The following TYRO3 variants were observed in gnomAD, a reference collection of about 807,000 sequenced individuals.
TYRO3 encodes the protein TYRO3 protein tyrosine kinase, also known as tyrosine-protein kinase receptor TYRO3.
TYRO3 carries 38 observed loss-of-function variants against 95.2 expected under a neutral mutation model. That is an observed-to-expected ratio of 0.40 (90% CI 0.31 to 0.52). TYRO3 has a LOEUF of 0.52. Among genes scored for constraint, TYRO3 ranks in the 20% least tolerant of loss-of-function variants. The pLI, the probability that TYRO3 is intolerant of heterozygous loss-of-function variation, is 0.56. For missense variants in TYRO3, 812 were observed against 1,116.4 expected, an observed-to-expected ratio of 0.73 and a Z score of 3.89; for synonymous variants, 367 against 432.9, an observed-to-expected ratio of 0.85 and a Z score of 1.89.
chr15:41,570,414 T>C, intron 11 of TYRO3, 74 bp downstream of exon 11: 1 of 1,393,324 alleles, frequency 7.2e-7, no homozygotes, highest in Non-Finnish European at 9.9e-7. Context: ...ACCAAATTAT[T>C]AATTTGACTG....
At chr15:41,566,320 TAAAAAAAAAAAA>T (rs57924730) in intron 6 of TYRO3, among the ~76,000 whole-genome samples, 17 of 40,960 alleles carry the variant, frequency 4.2e-4, no homozygotes, top group East Asian at 2.0e-3. Flanking sequence ...CTGTCTCTAT[TAAAAAAAAAAAA>T]AAAAAAAAAA....
intron 3 of TYRO3, 82 bp downstream of exon 3, chr15:41,561,721 CAGT>C: frequency 9.1e-7 from 1 of 1,096,676 alleles, no homozygotes; most frequent in Non-Finnish European, 1.3e-6. Context: ...GCGGAGAACT[CAGT>C]AGAAGCTGGG....
chr15:41,565,641 C>G (rs1252088641), intron 6 of TYRO3, among the ~76,000 whole-genome samples: 1 of 150,992 alleles, frequency 6.6e-6, no homozygotes, highest in Non-Finnish European at 1.5e-5. Context: ...ATTAGCCAGC[C>G]TGATCTCAAA....
At position 41,579,798 on chromosome 15, in the gene TYRO3, C is replaced by T. The variant is rs2055903870; in HGVS notation, c.*1522C>T. On this transcript the variant is annotated 3_prime_UTR_variant, in exon 19 of 19. Transcript: ENST00000263798. ...TTTGAGACCGAGTCTCACTCTGTCG[C>T]CCAGGCTGGAGTGCAATTGCGCGAT... The T allele has an allele frequency of 6.7e-6, 1 of 150,326 alleles. No individual in the cohort carries two copies. The highest frequency in any genetic ancestry group is 6.6e-5 in the Admixed American group (1 of 15,090). 9.3% of individuals were successfully genotyped at this position (150,326 alleles called of 1,614,324 possible).
chr15:41,561,596 G>T lies in TYRO3; in HGVS notation c.366G>T (p.Gly122=). 6.3e-7 allele frequency: 1 copy of T among 1,594,338 alleles called. No individual in the cohort carries two copies. Among genetic ancestry groups the T allele is most frequent in the Non-Finnish European group, 8.5e-7 (1 of 1,172,118 alleles). Residue 122 remains glycine (G), a synonymous_variant, in exon 3 of 19, where the codon GGG becomes GGT. Coordinates refer to ENST00000263798, the MANE Select transcript of TYRO3 (RefSeq NM_006293.4). ...GGTACTGGTGCCAGGTGGAGGATGG[G>T]GGTGAAACCGAGATCTCCCAGCCAG... The part of the protein sequence containing the change: ...AGRYWCQVED[G]GETEISQPVW...
chr15:41,579,106 A>C lies in TYRO3; in HGVS notation c.*830A>C, dbSNP rs143095158. 1 of 152,484 alleles carries C rather than the reference A, an allele frequency of 6.6e-6. No homozygotes were observed. Among genetic ancestry groups the C allele is most frequent in the East Asian group, 1.9e-4 (1 of 5,174 alleles). 9.4% of individuals were successfully genotyped at this position (152,484 alleles called of 1,614,324 possible). ...ACAAAGGCAGCTGTGTCTGAGCCCAACCCTTCTAAACGGTGACCTTTAGTG... is the reference window on the plus strand; with the variant it reads ...ACAAAGGCAGCTGTGTCTGAGCCCACCCCTTCTAAACGGTGACCTTTAGTG... On this transcript the variant is annotated 3_prime_UTR_variant, in exon 19 of 19. Transcript: ENST00000263798.
rs970612585 is a variant in TYRO3, at chr15:41,580,124, T to C, written c.*1848T>C. ...CTTTGTGCTTTCCAAGTTTTCTGCATTGAGCACAAAATGCTTTTGTAATTA... is the reference window on the plus strand; with the variant it reads ...CTTTGTGCTTTCCAAGTTTTCTGCACTGAGCACAAAATGCTTTTGTAATTA... On this transcript the variant is annotated 3_prime_UTR_variant, in exon 19 of 19. Transcript: ENST00000263798. 2 of 152,172 alleles carry C rather than the reference T, an allele frequency of 1.3e-5. No individual in the cohort carries two copies. Among genetic ancestry groups the C allele is most frequent in the African/African-American group, 4.8e-5 (2 of 41,456 alleles). 9.4% of individuals were successfully genotyped at this position (152,172 alleles called of 1,614,324 possible).
Position 41,571,112 on chromosome 15 carries a change from C to T in TYRO3, c.1654C>T (p.Leu552=). 6.2e-7 allele frequency: 1 copy of T among 1,613,960 alleles called. No individual in the cohort carries two copies. Among genetic ancestry groups the T allele is most frequent in the Non-Finnish European group, 8.5e-7 (1 of 1,179,946 alleles). Residue 552 remains leucine (L), a synonymous_variant, in exon 13 of 19, where the codon CTG becomes TTG. Coordinates refer to ENST00000263798, the MANE Select transcript of TYRO3 (RefSeq NM_006293.4). ...GSFVKVAVKM[L]KADIIASSDI... Reference sequence around the variant, plus strand: ...CTTTGTGAAAGTGGCTGTGAAGATGCTGAAAGGTGAGTGGGGGATAGCTGT... The same window carrying T: ...CTTTGTGAAAGTGGCTGTGAAGATGTTGAAAGGTGAGTGGGGGATAGCTGT...
chr15:41,560,388 C>CGTGTGTGTGTGT (rs1177291795), intron 1 of TYRO3, among the ~76,000 whole-genome samples: 40 of 72,126 alleles, frequency 5.5e-4, no homozygotes, highest in Admixed American at 1.3e-3. Context: ...AGGAGAGGTG[C>CGTGTGTGTGTGT]GTGTATGTGT....
chr15:41,562,231 GTCCC>G, intron 3 of TYRO3: 1 of 232,930 alleles, frequency 4.3e-6, no homozygotes, highest in Non-Finnish European at 8.1e-6. Context: ...TGTGCCTGTA[GTCCC>G]AGCTACTCCG....
At chr15:41,574,547 G>A (rs1012347374) in intron 18 of TYRO3, 10 of 424,350 alleles carry the variant, frequency 2.4e-5, no homozygotes, top group Non-Finnish European at 4.3e-5. Flanking sequence ...CATGGCCAAC[G>A]TCACAGAGCT....
chr15:41,578,720 C>T lies in TYRO3; in HGVS notation c.*444C>T, dbSNP rs2055891725. On this transcript the variant is annotated 3_prime_UTR_variant, in exon 19 of 19. Transcript: ENST00000263798. ...TTACCACACTTGGGGTTTAAATATC[C>T]AGGTGTGCCCCTCCAAGTCACAAAG... is the stretch of plus-strand genomic sequence containing the variant. The T allele has an allele frequency of 4.9e-6, 1 of 202,802 alleles. No homozygotes were observed. Among genetic ancestry groups the T allele is most frequent in the Non-Finnish European group, 9.8e-6 (1 of 101,698 alleles). The allele number at this position is 202,802 out of a possible 1,614,324, so 12.6% of individuals were successfully genotyped here.
intron 2 of TYRO3, 83 bp downstream of exon 2, chr15:41,561,393 T>G: frequency 1.3e-6 from 2 of 1,492,670 alleles, no homozygotes; most frequent in South Asian, 1.2e-5. Context: ...GCTGGGGCCC[T>G]CTCCTGATGC....
intron 4 of TYRO3, among the ~76,000 whole-genome samples, chr15:41,563,596 C>G (rs1017264194): frequency 5.9e-5 from 9 of 152,116 alleles, no homozygotes; most frequent in African/African-American, 2.2e-4. Context: ...GTGGTTGGGA[C>G]CCTCAGGCAG....
Position 41,569,034 on chromosome 15 carries a change from A to T in TYRO3, c.1252+12A>T. On this transcript the variant is annotated intron_variant, in intron 9 of 18. Transcript: ENST00000263798. ...TCATGACCGTGCAGGTGAGGCTTGT[A>T]GGTGGAGAGGGGCAGAGGCTCAGGG... The T allele has an allele frequency of 1.3e-6, 2 of 1,551,386 alleles. No individual in the cohort carries two copies. The highest frequency in any genetic ancestry group is 1.8e-6 in the Non-Finnish European group (2 of 1,136,288).
chr15:41,572,963 G>A (rs1488268832), intron 15 of TYRO3, 39 bp from the exon 16 acceptor site: 1 of 1,550,722 alleles, frequency 6.4e-7, no homozygotes. Context: ...CCAGCTGGGT[G>A]GGCAGGTTAA....
At chr15:41,567,586 G>A in intron 7 of TYRO3, 49 bp downstream of exon 7, 1 of 1,406,844 alleles carries the variant, frequency 7.1e-7, no homozygotes, top group Non-Finnish European at 9.3e-7. Context: ...GAGCCGGGAA[G>A]GGGGCCGTGT....
rs944079550 is a variant in TYRO3, at chr15:41,569,315, A to C, written c.1252+293A>C. ...AAAAAATTAAAAAAAAAAAAAAAAA[A>C]CAATTAGCCTGGTGTAGTGACATAT... On this transcript the variant is annotated intron_variant, in intron 9 of 18. Coordinates refer to ENST00000263798, the MANE Select transcript of TYRO3 (RefSeq NM_006293.4). Among the ~76,000 whole-genome samples the C allele has an allele frequency of 6.3e-5, 9 of 142,050 alleles. No homozygotes were observed. The South Asian group carries it at 9.1e-4, about 14-fold the overall frequency. 93.2% of individuals were successfully genotyped at this position (142,050 alleles called of 152,430 possible). A position where few individuals can be genotyped will look rare whatever the true frequency, so the allele number is the denominator to read the frequency against.
At position 41,564,494 on chromosome 15, in the gene TYRO3, C is replaced by T. The variant is rs544721085; in HGVS notation, c.667+224C>T. ...TGACGTCACAGCAGATTTCCCATCA[C>T]GAAGCAGAGTCCTTGGGAGGGAGGG... On this transcript the variant is annotated intron_variant, in intron 5 of 18. Transcript: ENST00000263798. 6.6e-5 allele frequency among the ~76,000 whole-genome samples: 10 copies of T among 152,228 alleles called. No individual in the cohort carries two copies. In the South Asian group the frequency reaches 8.3e-4, roughly 13 times the overall value.
Sources: gnomAD v4.1 joint callset for allele counts (sites outside exome capture counted in the v4.1 genomes callset) on GRCh38, gnomAD v4.1.1 for gene constraint, MANE v1.5 for transcripts, NCBI Gene and HGNC (gene_info 2026-07-23, HGNC 2026-07-21) for gene names.